Variants in RASAL3 observed in about 807,000 individuals in gnomAD.
RASAL3 encodes RAS protein activator like-3.
A neutral mutation model predicts 105.5 loss-of-function variants in RASAL3; 74 were observed. The ratio of observed to expected loss-of-function variants is 0.70; its 90% confidence interval spans 0.58 to 0.85. The LOEUF (loss-of-function observed/expected upper bound fraction) is 0.85. Ranked by LOEUF, RASAL3 falls within the 40% of genes least tolerant of loss-of-function variation. The pLI, the probability that RASAL3 is intolerant of heterozygous loss-of-function variation, is 0.00. For missense variants in RASAL3, 1,352 were observed against 1,392.0 expected (o/e 0.97, Z 0.46); for synonymous variants, 579 against 591.6 (o/e 0.98, Z 0.31).
chr19:15,458,234 G>A (rs1970390453), intron 8 of RASAL3, 94 bp downstream of exon 8: 2 of 1,191,018 alleles, frequency 1.7e-6, no homozygotes, highest in Non-Finnish European at 2.4e-6. Flanking sequence ...TTGGGGGCGC[G>A]GGTTATGGAG....
At position 15,454,803 on chromosome 19, in the gene RASAL3, C is replaced by T. The variant is rs1372756196; in HGVS notation, c.1812G>A (p.Val604=). Residue 604 remains valine, a synonymous_variant, in exon 12 of 18, where the codon GTG becomes GTA. Transcript: ENST00000343625. ...RGSEVLGPRL[V]CASLFLRLLC... Reference sequence around the variant, plus strand: ...GGAGCCGCAGGAAGAGGGAGGCGCACACCAGTCGGGGGCCCAGCACCTCAG... The same window carrying T: ...GGAGCCGCAGGAAGAGGGAGGCGCATACCAGTCGGGGGCCCAGCACCTCAG... 1 of 1,595,182 alleles carries T rather than the reference C, an allele frequency of 6.3e-7. No homozygotes were observed. Among genetic ancestry groups the T allele is most frequent in the Non-Finnish European group, 8.5e-7 (1 of 1,171,154 alleles).
At position 15,459,316 on chromosome 19, in the gene RASAL3, G is replaced by T. The variant is rs1463492775; in HGVS notation, c.663-661C>A. Among the ~76,000 whole-genome samples, 18 of 150,606 alleles carry T rather than the reference G, an allele frequency of 1.2e-4. 1 individual carries two copies. Among genetic ancestry groups the T allele is most frequent in the Non-Finnish European group, 1.5e-5 (1 of 67,858 alleles). On this transcript the variant is annotated intron_variant, in intron 6 of 17. Transcript: ENST00000343625. ...GCAGGAGTGCAGTGGCACAATCTTG[G>T]CTCACTGCAATGTCCACCTCCCAGG...
At chr19:15,461,932 C>T (rs1318731301) in intron 2 of RASAL3, among the ~76,000 whole-genome samples, 1 of 152,202 alleles carries the variant, frequency 6.6e-6, no homozygotes, top group Non-Finnish European at 1.5e-5. Flanking sequence ...CTCAGGGTCA[C>T]ACAGTTTGTG....
chr19:15,464,362 TGGGG>T lies in RASAL3; in HGVS notation c.-8_-5del. On this transcript the variant is annotated 5_prime_UTR_variant, in exon 2 of 18. Coordinates refer to ENST00000343625, the MANE Select transcript of RASAL3 (RefSeq NM_022904.3). Reference sequence around the variant, plus strand: ...GGCTTGGCGACGGTGGGTCCATGGTTGGGGGGGGGGGTCTCCTGGGGGACGAGAG... The same window carrying T: ...GGCTTGGCGACGGTGGGTCCATGGTTGGGGGGGTCTCCTGGGGGACGAGAG... 35 of 1,005,402 alleles carry T rather than the reference TGGGG, an allele frequency of 3.5e-5. No homozygotes were observed. The highest frequency in any genetic ancestry group is 4.5e-5 in the African/African-American group (2 of 44,024). The allele number at this position is 1,005,402 out of a possible 1,614,324, so 62.3% of individuals were successfully genotyped here.
chr19:15,452,557 G>T, intron 16 of RASAL3, 101 bp downstream of exon 16: 1 of 1,079,894 alleles, frequency 9.3e-7, no homozygotes, highest in Non-Finnish European at 1.3e-6. Context: ...GTGGGGCTTG[G>T]CCGTGCTAGG....
rs1970372835 is a variant in RASAL3 at position 15,457,742 on chromosome 19, G to A, written c.981C>T (p.Arg327=). The change falls in exon 9 of 18, where the codon CGC becomes CGT. Residue 327 remains arginine (R), a synonymous_variant. Transcript: ENST00000343625. The surrounding 1 kb of genome is among the most constrained non-coding windows in gnomAD (Gnocchi z 8.6). ...PRAAAGAPGV[R]AELWLDGALL... ...GCGCGCCATCCAGCCACAGCTCGGC[G>A]CGCACGCCGGGTGCCCCCGCCGCTG... 6.5e-7 allele frequency: 1 copy of A among 1,541,670 alleles called. No homozygotes were observed. Among genetic ancestry groups the A allele is most frequent in the Admixed American group, 2.0e-5 (1 of 50,220 alleles).
Position 15,457,215 on chromosome 19 carries a change from T to G in RASAL3, c.1431+77A>C, listed in dbSNP as rs1970349635. Reference sequence around the variant, plus strand: ...CCCATTACAGGTGCAACTCAGGTCCTGCGCCCCAACTCCTGCCCGAAGCGC... The same window carrying G: ...CCCATTACAGGTGCAACTCAGGTCCGGCGCCCCAACTCCTGCCCGAAGCGC... On this transcript the variant is annotated intron_variant, in intron 9 of 17. Transcript: ENST00000343625. This position sits in a 1 kb window ranked among gnomAD's most constrained non-coding sequence, Gnocchi z 8.6. 8.6e-7 allele frequency: 1 copy of G among 1,168,268 alleles called. No individual in the cohort carries two copies. 72.4% of individuals were successfully genotyped at this position (1,168,268 alleles called of 1,614,324 possible).
At chr19:15,452,522 A>C in intron 16 of RASAL3, 136 bp downstream of exon 16, 1 of 755,130 alleles carries the variant, frequency 1.3e-6, no homozygotes, top group South Asian at 1.9e-5. Flanking sequence ...CAGGGCCTGG[A>C]CAGACTTATT....
At chr19:15,458,460 G>A in intron 7 of RASAL3, 34 bp from the exon 8 acceptor site, 1 of 1,613,482 alleles carries the variant, frequency 6.2e-7, no homozygotes, top group African/African-American at 1.3e-5. Flanking sequence ...GTGTGATCGA[G>A]GCCAAGGGTG....
Position 15,452,049 on chromosome 19 carries a change from T to C in RASAL3, c.2888A>G (p.Asn963Ser). The C allele has an allele frequency of 6.2e-7, 1 of 1,613,836 alleles. No homozygotes were observed. Among genetic ancestry groups the C allele is most frequent in the Non-Finnish European group, 8.5e-7 (1 of 1,179,828 alleles). ...GGGCTCAGATGGCAATCTCACCAGG[T>C]TTTTCAGACTGTGCCCTTCATTGCT... ...LTSNEGHSLK[N>S]LEHRLNEMER... The change falls in exon 17 of 18, where the codon AAC becomes AGC. Residue 963 changes from asparagine to serine, a missense_variant. Coordinates refer to ENST00000343625, the MANE Select transcript of RASAL3 (RefSeq NM_022904.3).
intron 16 of RASAL3, 124 bp downstream of exon 16, chr19:15,452,534 G>A: frequency 1.2e-6 from 1 of 862,668 alleles, no homozygotes; most frequent in East Asian, 2.8e-5. Context: ...AGACTTATTG[G>A]GGCGGGGCCA....
chr19:15,459,239 C>CTATT (rs34335057), intron 6 of RASAL3, among the ~76,000 whole-genome samples: 29,739 of 144,506 alleles, frequency 0.21, 3,191 homozygotes, highest in East Asian at 0.33. Flanking sequence ...GTGCCCAGCC[C>CTATT]TATTTATTTA....
chr19:15,452,795 C>T lies in RASAL3; in HGVS notation c.2691G>A (p.Glu897=), dbSNP rs1446658958. Reference sequence around the variant, plus strand: ...TCTGCTCCTCACGCAGAGCGGCCACCTCGCACTGCAGCTCTGCCAACTGTG... The same window carrying T: ...TCTGCTCCTCACGCAGAGCGGCCACTTCGCACTGCAGCTCTGCCAACTGTG... ...PVNKLAELQC[E]VAALREEQKV... The change falls in exon 16 of 18, where the codon GAG becomes GAA. Residue 897 remains glutamate (E), a synonymous_variant. Transcript: ENST00000343625. 7.7e-6 allele frequency: 12 copies of T among 1,560,250 alleles called. No individual in the cohort carries two copies. The East Asian group carries it at 1.2e-4, about 16-fold the overall frequency.
In RASAL3 at chr19:15,456,647, C is replaced by T. The variant is rs1012898578; in HGVS notation, c.1432-1G>A. 1.9e-6 allele frequency: 3 copies of T among 1,611,158 alleles called. No individual in the cohort carries two copies. The stretch of plus-strand genomic sequence containing the variant: ...CAGTGCCCAGGTCAGTCACCAGCGC[C>T]TAGGAAGGGCAGGAGGTCAGGTTGC... On this transcript the variant is annotated splice_acceptor_variant, in intron 9 of 17. Transcript: ENST00000343625. LOFTEE classifies it high-confidence loss of function. This position sits in a 1 kb window ranked among gnomAD's most constrained non-coding sequence, Gnocchi z 4.4.
rs1334520877 is a variant in RASAL3 at position 15,458,915 on chromosome 19, C to T, written c.663-260G>A. ...TCCATCACTTTCTGAGCTCCAGCCT[C>T]CCTGGCCTTGTTTTATTTTATCCTA... is the stretch of plus-strand genomic sequence containing the variant. On this transcript the variant is annotated intron_variant, in intron 6 of 17. Transcript: ENST00000343625. Among the ~76,000 whole-genome samples, 4 of 151,744 alleles carry T rather than the reference C, an allele frequency of 2.6e-5. 1 individual carries two copies. Among genetic ancestry groups the T allele is most frequent in the Admixed American group, 2.6e-4 (4 of 15,190 alleles).
At chr19:15,462,605 A>G (rs1428870583) in intron 2 of RASAL3, among the ~76,000 whole-genome samples, 2 of 152,212 alleles carry the variant, frequency 1.3e-5, no homozygotes, top group South Asian at 2.1e-4. Flanking sequence ...CCTTGTTTTT[A>G]CCACCAGGAG....
At chr19:15,461,701 C>T in intron 2 of RASAL3, 94 bp from the exon 3 acceptor site, 1 of 1,414,902 alleles carries the variant, frequency 7.1e-7, no homozygotes, top group South Asian at 1.6e-5. Context: ...TGGGTTCCCT[C>T]CTAGGTGCCC....
intron 1 of RASAL3, 62 bp from the exon 2 acceptor site, chr19:15,464,439 C>T: frequency 7.4e-7 from 1 of 1,359,456 alleles, no homozygotes; most frequent in Non-Finnish European, 1.0e-6. Flanking sequence ...CTCATCTCGG[C>T]CCCCTCCCCA....
rs1334063940 is a variant in RASAL3 at position 15,453,306 on chromosome 19, C to T, written c.2471G>A (p.Arg824His). 2 of 1,490,444 alleles carry T rather than the reference C, an allele frequency of 1.3e-6. No homozygotes were observed. The highest frequency in any genetic ancestry group is 1.8e-6 in the Non-Finnish European group (2 of 1,124,634). 92.3% of individuals were successfully genotyped at this position (1,490,444 alleles called of 1,614,324 possible). A position where few individuals can be genotyped will look rare whatever the true frequency, so the allele number is the denominator to read the frequency against. ...CGCAGATTGGCGGCGGCGGGCAGGA[C>T]GCCGGACCGGGACACTCTGCGTGCG... The part of the protein sequence containing the change: ...VQRTQSVPVR[R>H]PARRRQSAGP... The change falls in exon 15 of 18, where the codon CGT (arginine) becomes CAT (histidine). Residue 824 changes from arginine (R) to histidine (H), a missense_variant. By Grantham distance (29) the Arg-to-His change is conservative (BLOSUM62 0). Around this residue, in one of 3 missense-constraint regions of RASAL3, gnomAD observed 920 missense variants for 919.6 expected, o/e 1.00. Transcript: ENST00000343625. This position sits in a 1 kb window ranked among gnomAD's most constrained non-coding sequence, Gnocchi z 4.2.
Sources: allele counts gnomAD v4.1 joint callset (sites outside exome capture counted in the v4.1 genomes callset), GRCh38; gene constraint gnomAD v4.1.1; regional missense constraint gnomAD v4.1.1; non-coding constraint Gnocchi (gnomAD v3.1); transcripts MANE v1.5; gene names NCBI Gene and HGNC (gene_info 2026-07-23, HGNC 2026-07-21).